KCNH2: variants seen among roughly 807,000 people sequenced by gnomAD.
KCNH2 encodes the protein potassium voltage-gated channel subfamily H member 2.
A neutral mutation model predicts 95.9 loss-of-function variants in KCNH2; 35 were observed. The observed-to-expected ratio is 0.37, with a 90% CI of 0.28 to 0.48. KCNH2 has a LOEUF of 0.48. Ranked by LOEUF, KCNH2 falls within the 20% of genes least tolerant of loss-of-function variation. The pLI is 0.99. For synonymous variants in KCNH2, 786 were observed against 754.7 expected (o/e 1.04, Z -0.68); for missense variants, 1,274 against 1,702.9 (o/e 0.75, Z 4.43).
chr7:150,955,463 A>G (rs1801336166), intron 5 of KCNH2: 1 of 1,561,412 alleles, frequency 6.4e-7, no homozygotes, highest in Non-Finnish European at 8.7e-7. Flanking sequence ...CCTGGGCCGC[A>G]GAGCCCCTGT....
chr7:150,958,883 C>T (rs527811955), intron 3 of KCNH2, among the ~76,000 whole-genome samples: 1 of 152,334 alleles, frequency 6.6e-6, no homozygotes, highest in Admixed American at 6.5e-5. Context: ...TGCCAGGGGC[C>T]CTGCCGTCAG....
intron 5 of KCNH2, among the ~76,000 whole-genome samples, chr7:150,956,855 C>T (rs891885197): frequency 1.3e-5 from 2 of 152,160 alleles, no homozygotes; most frequent in African/African-American, 4.8e-5. Context: ...TCCTTGACCT[C>T]TGTGACCCCT....
rs1339115530 is a variant in KCNH2, at chr7:150,958,411, C to T, written c.564G>A (p.Ala188=). ...CCACCACCACGGCCCCCGGGGCGCC[C>T]GCGCCGCCCGCGCCGCCCGACCGCA... ...SSVRSGGAGG[A]GAPGAVVVDV... The change falls in exon 4 of 15, where the codon GCG becomes GCA. Residue 188 remains alanine (A), a synonymous_variant. Coordinates refer to ENST00000262186, the MANE Select transcript of KCNH2 (RefSeq NM_000238.4). 3 of 1,431,244 alleles carry T rather than the reference C, an allele frequency of 2.1e-6. No homozygotes were observed. The African/African-American group carries it at 4.6e-5, about 22-fold the overall frequency. The allele number at this position is 1,431,244 out of a possible 1,614,324, so 88.7% of individuals were successfully genotyped here.
intron 2 of KCNH2, among the ~76,000 whole-genome samples, chr7:150,966,691 T>C (rs1373152127): frequency 6.6e-6 from 1 of 152,068 alleles, no homozygotes; most frequent in African/African-American, 2.4e-5. Context: ...TTAGGAAACA[T>C]AGTCAAAAAC....
At chr7:150,949,193 G>C (rs41307283) in intron 9 of KCNH2, 144 bp from the exon 10 acceptor site, 1 of 1,090,650 alleles carries the variant, frequency 9.2e-7, no homozygotes, top group South Asian at 1.5e-5. Context: ...CCACACAACC[G>C]GGGAAGCAAT....
Position 150,945,881 on chromosome 7 carries a change from A to G in KCNH2, c.3331-367T>C, listed in dbSNP as rs968764683. Among the ~76,000 whole-genome samples, 14 of 152,166 alleles carry G rather than the reference A, an allele frequency of 9.2e-5. No individual in the cohort carries two copies. Among genetic ancestry groups the G allele is most frequent in the Non-Finnish European group, 1.6e-4 (11 of 68,030 alleles). ...GTTGGGACAGAAGCTGGGACAGAAA[A>G]AGAGACAAGATTCCTTCCCGCAATC... On this transcript the variant is annotated intron_variant, in intron 14 of 14. Transcript: ENST00000262186. This position sits in a 1 kb window ranked among gnomAD's most constrained non-coding sequence, Gnocchi z 5.6.
intron 2 of KCNH2, among the ~76,000 whole-genome samples, chr7:150,965,073 T>C (rs1801667543): frequency 1.3e-5 from 2 of 151,834 alleles, no homozygotes; most frequent in East Asian, 3.9e-4. Flanking sequence ...TGCGCGCGTG[T>C]GTGTGTGTGT....
intron 2 of KCNH2, among the ~76,000 whole-genome samples, chr7:150,972,014 C>T (rs1245643065): frequency 2.0e-5 from 3 of 152,094 alleles, no homozygotes; most frequent in Non-Finnish European, 2.9e-5. Context: ...GGACTCTGCC[C>T]CCAATTCCAC....
chr7:150,953,074 C>T lies in KCNH2; in HGVS notation c.1129-221G>A, dbSNP rs1270293606. On this transcript the variant is annotated intron_variant, in intron 5 of 14. Coordinates refer to ENST00000262186, the MANE Select transcript of KCNH2 (RefSeq NM_000238.4). Reference sequence around the variant, plus strand: ...CACACAGCACAGGACTGGCTCCAAACAGTTCCAACATTTCCCGGCAGACGT... The same window carrying T: ...CACACAGCACAGGACTGGCTCCAAATAGTTCCAACATTTCCCGGCAGACGT... 6.6e-5 allele frequency among the ~76,000 whole-genome samples: 10 copies of T among 152,166 alleles called. 1 individual carries two copies. Among genetic ancestry groups the T allele is most frequent in the Admixed American group, 1.3e-4 (2 of 15,284 alleles).
chr7:150,972,505 C>T (rs1039801190), intron 2 of KCNH2, among the ~76,000 whole-genome samples: 20 of 152,226 alleles, frequency 1.3e-4, no homozygotes, highest in African/African-American at 4.6e-4. Context: ...CCTAGAATGC[C>T]AGGATACATG....
chr7:150,945,274 G>T lies in KCNH2; in HGVS notation c.*91C>A. ...TTTCGAGTTCCTCTCCCCTTCCACGGTCAGGGCCTCCTGAGCAGGGCCTCC... is the reference window on the plus strand; with the variant it reads ...TTTCGAGTTCCTCTCCCCTTCCACGTTCAGGGCCTCCTGAGCAGGGCCTCC... On this transcript the variant is annotated 3_prime_UTR_variant, in exon 15 of 15. Coordinates refer to ENST00000262186, the MANE Select transcript of KCNH2 (RefSeq NM_000238.4). This position sits in a 1 kb window ranked among gnomAD's most constrained non-coding sequence, Gnocchi z 5.6. 7.1e-7 allele frequency: 1 copy of T among 1,404,432 alleles called. No homozygotes were observed. Among genetic ancestry groups the T allele is most frequent in the Non-Finnish European group, 9.6e-7 (1 of 1,038,214 alleles). 87.0% of individuals were successfully genotyped at this position (1,404,432 alleles called of 1,614,324 possible).
chr7:150,955,297 A>T (rs1801327859), intron 5 of KCNH2: 2 of 1,238,086 alleles, frequency 1.6e-6, no homozygotes, highest in Non-Finnish European at 2.3e-6. Flanking sequence ...CCTACTTCCC[A>T]GCAGCCCTCT....
chr7:150,957,528 G>C (rs755225128), intron 4 of KCNH2, 26 bp from the exon 5 acceptor site: 1 of 1,441,632 alleles, frequency 6.9e-7, no homozygotes, highest in Non-Finnish European at 9.1e-7. Context: ...GCGTGGTCAG[G>C]CCAGCAGCCC....
At chr7:150,951,217 C>T (rs1184182701) in intron 7 of KCNH2, 97 bp from the exon 8 acceptor site, 17 of 1,157,934 alleles carry the variant, frequency 1.5e-5, no homozygotes, top group Non-Finnish European at 2.1e-5. Flanking sequence ...GTGTCTCAGT[C>T]TCAGCGTCGA....
At position 150,948,903 on chromosome 7, in the gene KCNH2, A is replaced by T. The variant is rs1452965295; in HGVS notation, c.2545T>A (p.Ser849Thr). 1 of 1,614,090 alleles carries T rather than the reference A, an allele frequency of 6.2e-7. No homozygotes were observed. The highest frequency in any genetic ancestry group is 8.5e-7 in the Non-Finnish European group (1 of 1,180,044). The part of the protein sequence containing the change: ...LEVLDMYPEF[S>T]DHFWSSLEIT... ...TCCAGGCTGGACCAGAAGTGGTCGG[A>T]GAACTCAGGGTACATGTCCAGCACC... is the stretch of plus-strand genomic sequence containing the variant. The change falls in exon 10 of 15, where the codon TCC becomes ACC. Residue 849 changes from serine (S) to threonine (T), a missense_variant. By Grantham distance (58) the Ser-to-Thr change is moderately conservative. This residue lies in a region of KCNH2 where 159 missense variants were observed against 282.5 expected (regional missense o/e 0.56). Coordinates refer to ENST00000262186, the MANE Select transcript of KCNH2 (RefSeq NM_000238.4).
At chr7:150,975,597 T>C (rs1801964085) in intron 1 of KCNH2, among the ~76,000 whole-genome samples, 1 of 139,890 alleles carries the variant, frequency 7.1e-6, no homozygotes, top group South Asian at 2.1e-4. Flanking sequence ...ACGCTGCATC[T>C]CATTAGGTCC....
Position 150,946,454 on chromosome 7 carries a change from C to T in KCNH2, c.3330+423G>A, listed in dbSNP as rs1186425492. Among the ~76,000 whole-genome samples the T allele has an allele frequency of 6.6e-6, 1 of 152,208 alleles. No individual in the cohort carries two copies. Among genetic ancestry groups the T allele is most frequent in the African/African-American group, 2.4e-5 (1 of 41,464 alleles). On this transcript the variant is annotated intron_variant, in intron 14 of 14. Transcript: ENST00000262186. This position sits in a 1 kb window ranked among gnomAD's most constrained non-coding sequence, Gnocchi z 6.5. ...TGTCACTCACAGAAGGGACCCGGGA[C>T]CCTGTCCCTAGATACTCTGGTATGC... is the stretch of plus-strand genomic sequence containing the variant.
rs1801443070 is a variant in KCNH2 at position 150,958,164 on chromosome 7, G to A, written c.811C>T (p.Arg271Cys). 1 of 1,337,652 alleles carries A rather than the reference G, an allele frequency of 7.5e-7. No individual in the cohort carries two copies. The highest frequency in any genetic ancestry group is 9.6e-7 in the Non-Finnish European group (1 of 1,046,212). 82.9% of individuals were successfully genotyped at this position (1,337,652 alleles called of 1,614,324 possible). ...ACGCTGGCGCAGCTTTCTCGGGAGC[G>A]CGTCCGGGCCAGGCTGCAGCTGGAG... ...SGSSCSLART[R>C]SRESCASVRR... Residue 271 changes from arginine (R) to cysteine (C), a missense_variant, in exon 4 of 15, where the codon CGC becomes TGC. This residue lies in a region of KCNH2 where 392 missense variants were observed against 429.9 expected (regional missense o/e 0.91). Transcript: ENST00000262186.
Position 150,947,858 on chromosome 7 carries a change from C to T in KCNH2, c.2713G>A (p.Val905Met), listed in dbSNP as rs1190723187. Reference sequence around the variant, plus strand: ...GCCCGGCCCGGCCCCAAGGCCGACACCTCCCCTGGCTGCTCCGTGTCTGTG... The same window carrying T: ...GCCCGGCCCGGCCCCAAGGCCGACATCTCCCCTGGCTGCTCCGTGTCTGTG... ...TDKDTEQPGE[V>M]SALGPGRAGA... Residue 905 changes from valine (V) to methionine (M), a missense_variant, in exon 12 of 15, where the codon GTG (valine) becomes ATG (methionine). Physicochemically the swap from Val to Met is conservative, Grantham distance 21. This residue lies in a region of KCNH2 where 457 missense variants were observed against 416.1 expected (regional missense o/e 1.10). Coordinates refer to ENST00000262186, the MANE Select transcript of KCNH2 (RefSeq NM_000238.4). 5.2e-6 allele frequency: 8 copies of T among 1,528,906 alleles called. No individual in the cohort carries two copies. The East Asian group carries it at 2.0e-4, about 37-fold the overall frequency. The allele number at this position is 1,528,906 out of a possible 1,614,324, so 94.7% of individuals were successfully genotyped here. A position where few individuals can be genotyped will look rare whatever the true frequency, so the allele number is the denominator to read the frequency against.
Sources: allele counts gnomAD v4.1 joint callset (sites outside exome capture counted in the v4.1 genomes callset), GRCh38; gene constraint gnomAD v4.1.1; regional missense constraint gnomAD v4.1.1; non-coding constraint Gnocchi (gnomAD v3.1); transcripts MANE v1.5; gene names NCBI Gene and HGNC (gene_info 2026-07-23, HGNC 2026-07-21).